Variants in KEL observed in about 807,000 individuals in gnomAD.
The protein encoded by KEL is kell blood group glycoprotein.
In KEL, 96 loss-of-function variants were observed where a neutral mutation model predicts 99.5. The observed-to-expected ratio is 0.97, with a 90% CI of 0.82 to 1.14. The LOEUF is 1.14. KEL is among the 50% of genes most tolerant of loss of function. The pLI is 0.00. For missense variants in KEL, 926 were observed against 924.2 expected (o/e 1.00, Z -0.03); for synonymous variants, 355 against 354.8 (o/e 1.00, Z -0.01).
chr7:142,962,114 C>T (rs760409929), intron 1 of KEL, 90 bp downstream of exon 1: 47 of 1,613,904 alleles, frequency 2.9e-5, no homozygotes, highest in Non-Finnish European at 3.8e-5. Context: ...GTAAGCCTTA[C>T]ATTCCCTCCC....
In KEL at chr7:142,943,024, C is replaced by T. The variant is rs149066842; in HGVS notation, c.1792G>A (p.Ala598Thr). 1.2e-4 allele frequency: 186 copies of T among 1,613,976 alleles called. No homozygotes were observed. Among genetic ancestry groups the T allele is most frequent in the Non-Finnish European group, 1.4e-4 (167 of 1,180,040 alleles). Residue 598 changes from alanine to threonine, a missense_variant, in exon 17 of 19, where the codon GCC becomes ACC. Ala to Thr is a moderately conservative substitution (Grantham distance 58). Transcript: ENST00000355265. ...TCCTGGAGGGCATGGTTGTCACAGG[C>T]GAGGCAGCCCCCAGGCAGTACTGTT... ...YQLLLPGGCL[A>T]CDNHALQEAH... is the part of the protein sequence containing the mutation.
intron 11 of KEL, chr7:142,945,943 A>C (rs1011974862): frequency 2.0e-5 from 11 of 547,154 alleles, no homozygotes; most frequent in African/African-American, 1.9e-4. Flanking sequence ...TTCTCATTTG[A>C]TGGTTGAAGA....
At chr7:142,953,625 C>T (rs1051775368) in intron 9 of KEL, among the ~76,000 whole-genome samples, 183 bp downstream of exon 9, 1 of 152,070 alleles carries the variant, frequency 6.6e-6, no homozygotes, top group African/African-American at 2.4e-5. Context: ...CCTTCTTGAT[C>T]CCTCCATCCT....
Position 142,943,046 on chromosome 7 carries a change from T to A in KEL, c.1772-2A>T. On this transcript the variant is annotated splice_acceptor_variant, in intron 16 of 18. Coordinates refer to ENST00000355265, the MANE Select transcript of KEL (RefSeq NM_000420.3). LOFTEE classifies it high-confidence loss of function. ...AGGCGAGGCAGCCCCCAGGCAGTAC[T>A]GTTGAAAATGGGACAAGAGAACATA... 1.2e-6 allele frequency: 2 copies of A among 1,613,928 alleles called. No homozygotes were observed. The highest frequency in any genetic ancestry group is 8.5e-7 in the Non-Finnish European group (1 of 1,180,012).
In KEL at chr7:142,961,014, C is replaced by A; in HGVS notation, c.314G>T (p.Ser105Ile). The change falls in exon 4 of 19, where the codon AGC becomes ATC. Residue 105 changes from serine (S) to isoleucine (I), a missense_variant. Physicochemically the swap from Ser to Ile is moderately radical, Grantham distance 142. Coordinates refer to ENST00000355265, the MANE Select transcript of KEL (RefSeq NM_000420.3). ...CTCTTTGGCCCTTCCACAGGCAAAG[C>A]TGAAGAAGTCGGTGCAGGGGGCCAC... is the stretch of plus-strand genomic sequence containing the variant. ...TSVAPCTDFF[S>I]FACGRAKETN... 1 of 1,614,194 alleles carries A rather than the reference C, an allele frequency of 6.2e-7. No homozygotes were observed. Among genetic ancestry groups the A allele is most frequent in the African/African-American group, 1.3e-5 (1 of 75,032 alleles).
chr7:142,951,325 CA>C (rs980856511), intron 10 of KEL, among the ~76,000 whole-genome samples: 1 of 152,188 alleles, frequency 6.6e-6, no homozygotes, highest in African/African-American at 2.4e-5. Flanking sequence ...GATTTTGTAG[CA>C]ACCCCAATTA....
At position 142,950,210 on chromosome 7, in the gene KEL, C is replaced by T. The variant is rs571297614; in HGVS notation, c.1203+2299G>A. ...AACATAAATGAGATAAATCCCTCTG[C>T]ATGTCTTTATTTCATACAGAGAGAA... On this transcript the variant is annotated intron_variant, in intron 10 of 18. Coordinates refer to ENST00000355265, the MANE Select transcript of KEL (RefSeq NM_000420.3). Among the ~76,000 whole-genome samples, 3 of 152,324 alleles carry T rather than the reference C, an allele frequency of 2.0e-5. No individual in the cohort carries two copies. The South Asian group carries it at 6.2e-4, about 32-fold the overall frequency.
intron 6 of KEL, among the ~76,000 whole-genome samples, chr7:142,955,810 T>C (rs907428552): frequency 6.6e-6 from 1 of 152,238 alleles, no homozygotes; most frequent in Non-Finnish European, 1.5e-5. Context: ...AAAGCATCTA[T>C]GCCCATTGTT....
rs1342795567 is a variant in KEL, at chr7:142,954,360, A to G, written c.748T>C (p.Tyr250His). Reference protein sequence around the residue: ...QKIYAQIFREYLTYLNQLGTL... With the variant: ...QKIYAQIFREHLTYLNQLGTL... ...CCCAGCTGATTCAGGTAAGTCAGGT[A>G]TTCCCGAAAGATCTGGAGGAAGGAA... Residue 250 changes from tyrosine to histidine, a missense_variant, in exon 8 of 19, where the codon TAC becomes CAC. Coordinates refer to ENST00000355265, the MANE Select transcript of KEL (RefSeq NM_000420.3). 1.2e-6 allele frequency: 2 copies of G among 1,614,046 alleles called. No homozygotes were observed. Among genetic ancestry groups the G allele is most frequent in the Non-Finnish European group, 1.7e-6 (2 of 1,180,030 alleles).
intron 10 of KEL, among the ~76,000 whole-genome samples, chr7:142,947,950 C>T (rs900185516): frequency 2.6e-5 from 4 of 152,206 alleles, no homozygotes; most frequent in Admixed American, 2.6e-4. Context: ...TGAGAATCTG[C>T]CAGCCACATT....
chr7:142,944,736 C>A lies in KEL; in HGVS notation c.1320G>T (p.Met440Ile). The A allele has an allele frequency of 6.2e-7, 1 of 1,613,698 alleles. No individual in the cohort carries two copies. Among genetic ancestry groups the A allele is most frequent in the Non-Finnish European group, 8.5e-7 (1 of 1,179,602 alleles). ...CATCCCGGATCGCAGTGAATAATTT[C>A]ATGGCCTGTGGGAGTGAGGTCCAGG... ...AFGPSTRSAA[M>I]KLFTAIRDAL... The change falls in exon 12 of 19, where the codon ATG becomes ATT. Residue 440 changes from methionine (M) to isoleucine (I), a missense_variant. Met to Ile is a conservative substitution (Grantham distance 10, BLOSUM62 1). Transcript: ENST00000355265.
chr7:142,957,865 C>T lies in KEL; in HGVS notation c.634G>A (p.Gly212Arg). ...GHFPFFRAYL[G>R]PHPASPHTPV... is the part of the protein sequence containing the mutation. ...GTGTGTGGAGAGGCAGGATGAGGTC[C>T]TAGGTAGGCTCTGAAGAAAGGGAAA... The change falls in exon 6 of 19, where the codon GGA becomes AGA. Residue 212 changes from glycine (G) to arginine (R), a missense_variant. Physicochemically the swap from Gly to Arg is moderately radical, Grantham distance 125. Coordinates refer to ENST00000355265, the MANE Select transcript of KEL (RefSeq NM_000420.3). The T allele has an allele frequency of 6.2e-7, 1 of 1,614,100 alleles. No individual in the cohort carries two copies. Among genetic ancestry groups the T allele is most frequent in the East Asian group, 2.2e-5 (1 of 44,862 alleles).
At position 142,961,836 on chromosome 7, in the gene KEL, G is replaced by A. The variant is rs777299023; in HGVS notation, c.40C>T (p.Arg14Cys). 8 of 1,613,938 alleles carry A rather than the reference G, an allele frequency of 5.0e-6. No homozygotes were observed. The highest frequency in any genetic ancestry group is 1.3e-5 in the African/African-American group (1 of 74,882). Residue 14 changes from arginine (R) to cysteine (C), a missense_variant, in exon 2 of 19, where the codon CGC (arginine) becomes TGC (cysteine). Transcript: ENST00000355265. ...GTTCCCATTCCACCTGCCTGGCTGC[G>A]TTCCCTCGGCTCTTCCTCACTTTGG... Reference protein sequence around the residue: ...GDQSEEEPRERSQAGGMGTLW... With the variant: ...GDQSEEEPRECSQAGGMGTLW...
Position 142,944,303 on chromosome 7 carries a change from T to C in KEL, c.1491+20A>G. On this transcript the variant is annotated intron_variant, in intron 13 of 18. Transcript: ENST00000355265. ...GAGAAGTCAAGGACTGAAAAGGAGCTGGAAAACACAGGGACCCACATCGTT... is the reference window on the plus strand; with the variant it reads ...GAGAAGTCAAGGACTGAAAAGGAGCCGGAAAACACAGGGACCCACATCGTT... 2 of 1,598,656 alleles carry C rather than the reference T, an allele frequency of 1.3e-6. No homozygotes were observed. The highest frequency in any genetic ancestry group is 1.7e-6 in the Non-Finnish European group (2 of 1,165,940).
intron 18 of KEL, chr7:142,942,163 T>C (rs1440145398): frequency 4.3e-5 from 23 of 534,518 alleles, no homozygotes; most frequent in Non-Finnish European, 7.4e-5. Context: ...AAAAAAAAGT[T>C]GGTCTCCTCC....
chr7:142,949,365 C>T (rs1796616716), intron 10 of KEL, among the ~76,000 whole-genome samples: 1 of 152,220 alleles, frequency 6.6e-6, no homozygotes, highest in Non-Finnish European at 1.5e-5. Context: ...CAAAAGTAAA[C>T]ATCAATGGTG....
chr7:142,944,593 A>G, intron 12 of KEL, 50 bp downstream of exon 12: 2 of 1,470,626 alleles, frequency 1.4e-6, no homozygotes, highest in Non-Finnish European at 9.5e-7. Context: ...TTGTTCCAAT[A>G]CTCCATTCCC....
At chr7:142,950,956 TA>T (rs1246154800) in intron 10 of KEL, among the ~76,000 whole-genome samples, 2 of 152,148 alleles carry the variant, frequency 1.3e-5, no homozygotes, top group Non-Finnish European at 2.9e-5. Context: ...AAATGGGGAT[TA>T]AAAACCTCCA....
chr7:142,961,571 A>G, intron 2 of KEL, 70 bp from the exon 3 acceptor site: 1 of 1,512,414 alleles, frequency 6.6e-7, no homozygotes, highest in Non-Finnish European at 9.1e-7. Context: ...AGAAGAGGAG[A>G]GAGAATGAAT....
Sources: gnomAD v4.1 joint callset for allele counts (sites outside exome capture counted in the v4.1 genomes callset) on GRCh38, gnomAD v4.1.1 for gene constraint, MANE v1.5 for transcripts, NCBI Gene and HGNC (gene_info 2026-07-23, HGNC 2026-07-21) for gene names.